Variants in PRH1 observed in about 807,000 individuals in gnomAD.
The protein encoded by PRH1 is salivary acidic proline-rich phosphoprotein 1/2.
PRH1 carries 7 observed loss-of-function variants against 7.9 expected under a neutral mutation model. The observed-to-expected ratio is 0.89, with a 90% confidence interval of 0.50 to 1.67. The LOEUF (loss-of-function observed/expected upper bound fraction) is 1.67. PRH1 is among the 40% of genes most tolerant of loss of function. PRH1 has a pLI of 0.00. For synonymous variants in PRH1, 45 were observed against 80.8 expected (o/e 0.56, Z 2.38); for missense variants, 109 against 223.6 (o/e 0.49, Z 3.27).
chr12:11,086,050 T>A (rs796377322), intron 1 of PRH1, among the ~76,000 whole-genome samples: 1 of 121,760 alleles, frequency 8.2e-6, no homozygotes, highest in Admixed American at 8.6e-5. Flanking sequence ...TGGTTGCTGT[T>A]AACTAATAGT....
rs1220621817 is a variant in PRH1 at position 11,081,794 on chromosome 12, G to A, written n.124-34606C>T. ...GCCTTTAAATTTCATCATTACCTAA[G>A]TGAAATAGAGAAGATATGGGGGAGG... On this transcript the variant is annotated intron_variant and non_coding_transcript_variant, in intron 1 of 4. Coordinates refer to the PRH1 transcript ENST00000541977. 3.1e-3 allele frequency among the ~76,000 whole-genome samples: 292 copies of A among 92,804 alleles called. 2 individuals are homozygous for A. Among genetic ancestry groups the A allele is most frequent in the Middle Eastern group, 9.3e-3 (2 of 216 alleles). The allele number at this position is 92,804 out of a possible 152,430, so 60.9% of individuals were successfully genotyped here. A position where few individuals can be genotyped will look rare whatever the true frequency, so the allele number is the denominator to read the frequency against.
At chr12:10,961,562 C>T (rs923147324) in intron 2 of PRH1, among the ~76,000 whole-genome samples, 2 of 143,708 alleles carry the variant, frequency 1.4e-5, no homozygotes, top group Non-Finnish European at 2.9e-5. Flanking sequence ...ACATGTGCTT[C>T]CTCAGATTCC....
rs372898577 is a variant in PRH1 at position 10,883,133 on chromosome 12, T to G, written c.65-37A>C. 3.6e-5 allele frequency: 58 copies of G among 1,602,372 alleles called. 1 individual carries two copies. In the Middle Eastern group the frequency reaches 5.1e-4, roughly 14 times the overall value. ...GTACAGGATGATGGGAAAAGTTACT[T>G]CCTGAATCATTCAAGGCTCATAGTG... On this transcript the variant is annotated intron_variant, in intron 1 of 3. Coordinates refer to ENST00000543626, the MANE Select transcript of PRH1 (RefSeq NM_001393989.1).
At chr12:10,908,486 GA>G in intron 2 of PRH1, 1 of 1,613,902 alleles carries the variant, frequency 6.2e-7, no homozygotes, top group Non-Finnish European at 8.5e-7. Flanking sequence ...AAGGAGAGAA[GA>G]CTCCAATCGT....
At chr12:10,885,946 A>G (rs1949485629), upstream of PRH1, among the ~76,000 whole-genome samples, 1 of 152,184 alleles carries the variant, frequency 6.6e-6, no homozygotes, top group Non-Finnish European at 1.5e-5. Flanking sequence ...TTCCTAGTAG[A>G]TTAGATTTTG....
chr12:11,003,254 G>C (rs1278002535), intron 1 of PRH1, among the ~76,000 whole-genome samples: 3 of 151,602 alleles, frequency 2.0e-5, no homozygotes, highest in Non-Finnish European at 4.4e-5. Flanking sequence ...TTTCAGCCTA[G>C]TTTTATATTC....
intron 2 of PRH1, among the ~76,000 whole-genome samples, chr12:10,948,668 T>C (rs1001035265): frequency 2.6e-5 from 4 of 152,224 alleles, no homozygotes; most frequent in Non-Finnish European, 4.4e-5. Context: ...GGAAAACTGC[T>C]GTAGTCTTTT....
chr12:10,919,096 T>G lies in PRH1; in HGVS notation c.-58-34821A>C, dbSNP rs1163036978. ...TATTTTCTCTGTTTGATTGTTTACTTTTTCAATTCTATATTTAATCCTCTT... is the reference window on the plus strand; with the variant it reads ...TATTTTCTCTGTTTGATTGTTTACTGTTTCAATTCTATATTTAATCCTCTT... On this transcript the variant is annotated intron_variant, in intron 2 of 3. Transcript: ENST00000539853. 2.6e-5 allele frequency among the ~76,000 whole-genome samples: 4 copies of G among 152,150 alleles called. No individual in the cohort carries two copies. In the East Asian group the frequency reaches 7.7e-4, roughly 29 times the overall value.
chr12:11,044,186 CT>C (rs767333204), intron 1 of PRH1, among the ~76,000 whole-genome samples: 2 of 152,078 alleles, frequency 1.3e-5, no homozygotes, highest in Admixed American at 6.5e-5. Flanking sequence ...AGAACGTACA[CT>C]GGAAAAAGAC....
At chr12:10,967,562 G>C (rs879660892) in intron 2 of PRH1, among the ~76,000 whole-genome samples, 9 of 152,134 alleles carry the variant, frequency 5.9e-5, no homozygotes, top group Admixed American at 3.9e-4. Context: ...TACAATAAAA[G>C]CTTCGTCTAG....
chr12:11,080,351 A>G (rs1944459799), intron 1 of PRH1, among the ~76,000 whole-genome samples: 1 of 108,566 alleles, frequency 9.2e-6, no homozygotes, highest in African/African-American at 2.9e-5. Context: ...TCATTTTATG[A>G]TTTTACTGTA....
chr12:11,015,974 G>A (rs532909216), intron 1 of PRH1, among the ~76,000 whole-genome samples: 23 of 152,212 alleles, frequency 1.5e-4, no homozygotes, highest in Non-Finnish European at 2.6e-4. Context: ...GATCTCTTCT[G>A]AGAATTGACA....
intron 2 of PRH1, among the ~76,000 whole-genome samples, chr12:10,903,931 C>CAAAAAAAAAAAAAAAAAAAAA (rs546066515): frequency 0.018 from 564 of 31,072 alleles, 63 homozygotes; most frequent in Non-Finnish European, 0.028. Flanking sequence ...ACAATAGCCT[C>CAAAAAAAAAAAAAAAAAAAAA]AAAAAAAAAA....
intron 1 of PRH1, among the ~76,000 whole-genome samples, chr12:11,024,772 A>T (rs1290753641): frequency 1.3e-5 from 2 of 152,358 alleles, no homozygotes; most frequent in East Asian, 3.8e-4. Flanking sequence ...ATTTGCTACA[A>T]TTCCTCTGTG....
intron 1 of PRH1, among the ~76,000 whole-genome samples, chr12:11,008,224 T>C (rs368461462): frequency 6.6e-6 from 1 of 152,216 alleles, no homozygotes; most frequent in Non-Finnish European, 1.5e-5. Flanking sequence ...TCTAGAGTTG[T>C]ATAAGAATGC....
intron 1 of PRH1, chr12:10,997,185 C>G (rs1940304712): frequency 6.2e-7 from 1 of 1,613,910 alleles, no homozygotes; most frequent in African/African-American, 1.3e-5. Context: ...AAGGAGGTCA[C>G]AGTTTGCAGA....
intron 2 of PRH1, among the ~76,000 whole-genome samples, chr12:10,924,230 A>AC (rs1239426686): frequency 2.6e-5 from 4 of 150,992 alleles, no homozygotes; most frequent in African/African-American, 9.7e-5. Context: ...CTCATGATCC[A>AC]CCCGCCTCGG....
Position 11,080,262 on chromosome 12 carries a change from A to G in PRH1, n.124-33074T>C, listed in dbSNP as rs867901586. Among the ~76,000 whole-genome samples the G allele has an allele frequency of 7.7e-5, 9 of 117,052 alleles. 1 individual carries two copies. Among genetic ancestry groups the G allele is most frequent in the South Asian group, 2.3e-4 (1 of 4,368 alleles). The allele number at this position is 117,052 out of a possible 152,430, so 76.8% of individuals were successfully genotyped here. Reference sequence around the variant, plus strand: ...ATGTTCTTATTCATGGCTTCCTGGAATCAATATTATGTATATGAAATTTAA... The same window carrying G: ...ATGTTCTTATTCATGGCTTCCTGGAGTCAATATTATGTATATGAAATTTAA... On this transcript the variant is annotated intron_variant and non_coding_transcript_variant, in intron 1 of 4. Coordinates refer to the PRH1 transcript ENST00000541977.
At chr12:10,938,847 A>G (rs1288988737) in intron 2 of PRH1, 3 of 1,613,526 alleles carry the variant, frequency 1.9e-6, no homozygotes, top group Non-Finnish European at 2.5e-6. Flanking sequence ...CACTTTAGGT[A>G]GAGAAAAATA....
Sources: allele counts gnomAD v4.1 joint callset (sites outside exome capture counted in the v4.1 genomes callset), GRCh38; gene constraint gnomAD v4.1.1; transcripts MANE v1.5; gene names NCBI Gene and HGNC (gene_info 2026-07-23, HGNC 2026-07-21).